Variants in SYT14 observed in about 807,000 individuals in gnomAD.
SYT14 encodes the protein synaptotagmin 14.
A neutral mutation model predicts 74.2 loss-of-function variants in SYT14; 32 were observed. The observed-to-expected ratio is 0.43, with a 90% CI of 0.33 to 0.58. The LOEUF is 0.58. Among genes scored for constraint, SYT14 ranks in the 20% least tolerant of loss-of-function variants. The pLI is 0.05. For missense variants in SYT14, 791 were observed against 981.8 expected (o/e 0.81, Z 2.60); for synonymous variants, 298 against 337.7 (o/e 0.88, Z 1.29).
At chr1:209,985,727 C>G (rs1023055366) in intron 2 of SYT14, among the ~76,000 whole-genome samples, 1 of 152,252 alleles carries the variant, frequency 6.6e-6, no homozygotes, top group Non-Finnish European at 1.5e-5. Context: ...GACACTCAGG[C>G]TTTTCTAAAC....
chr1:209,953,351 T>C, intron 2 of SYT14: 1 of 781,794 alleles, frequency 1.3e-6, no homozygotes, highest in Non-Finnish European at 1.8e-6. Flanking sequence ...CAACTCCTTA[T>C]AAGTAATCAC....
chr1:210,099,745 T>C (rs1296871963), intron 6 of SYT14, among the ~76,000 whole-genome samples: 2 of 152,212 alleles, frequency 1.3e-5, no homozygotes, highest in East Asian at 1.9e-4. Context: ...TATAAAAACA[T>C]ACATCACACT....
At chr1:210,050,163 G>T (rs1049177099) in intron 5 of SYT14, among the ~76,000 whole-genome samples, 1 of 152,110 alleles carries the variant, frequency 6.6e-6, no homozygotes, top group Non-Finnish European at 1.5e-5. Context: ...ACAAAGTCAC[G>T]TCTTGAATGC....
At chr1:210,038,729 C>T (rs535282125) in intron 5 of SYT14, among the ~76,000 whole-genome samples, 21 of 152,058 alleles carry the variant, frequency 1.4e-4, no homozygotes, top group East Asian at 5.8e-4. Context: ...TTTTTAAGTC[C>T]GAAAATGGGA....
intron 7 of SYT14, among the ~76,000 whole-genome samples, chr1:210,143,882 TA>T (rs2082973521): frequency 6.6e-6 from 1 of 152,186 alleles, no homozygotes; most frequent in African/African-American, 2.4e-5. Context: ...TAACATCTGT[TA>T]ATACTGAAAA....
chr1:210,163,775 A>C (rs1235550134), exon 10 of SYT14: 2 of 453,812 alleles, frequency 4.4e-6, no homozygotes, highest in Non-Finnish European at 8.8e-6. Flanking sequence ...CACTCTACTG[A>C]ATCTAATGTA....
chr1:210,023,884 T>A (rs924410344), intron 5 of SYT14, among the ~76,000 whole-genome samples: 1 of 152,240 alleles, frequency 6.6e-6, no homozygotes, highest in African/African-American at 2.4e-5. Flanking sequence ...CAGTAGTTTT[T>A]AAGCAGGAGA....
chr1:210,100,354 A>G (rs1289894539), exon 7 of SYT14: 3 of 1,614,042 alleles, frequency 1.9e-6, no homozygotes, highest in Admixed American at 3.3e-5. Context: ...TGTACATCGC[A>G]TGAAAAAAGA....
At chr1:210,051,749 C>T (rs1483572975) in intron 5 of SYT14, among the ~76,000 whole-genome samples, 3 of 150,538 alleles carry the variant, frequency 2.0e-5, no homozygotes, top group African/African-American at 4.9e-5. Context: ...TTTACATCTG[C>T]AGGTTATACT....
At chr1:210,167,691 A>G (rs2102743868) in exon 10 of SYT14, 1 of 152,278 alleles carries the variant, frequency 6.6e-6, no homozygotes, top group Non-Finnish European at 1.5e-5. Context: ...TGATTTGGTG[A>G]CAGCTTGAGG....
intron 2 of SYT14, among the ~76,000 whole-genome samples, chr1:209,994,147 G>C (rs540592304): frequency 1.6e-4 from 24 of 152,174 alleles, no homozygotes; most frequent in Non-Finnish European, 2.8e-4. Flanking sequence ...TTCTTAACCA[G>C]TTTGAAATGA....
chr1:210,030,434 G>A (rs1235796095), intron 5 of SYT14, among the ~76,000 whole-genome samples: 1 of 152,156 alleles, frequency 6.6e-6, no homozygotes, highest in Admixed American at 6.6e-5. Flanking sequence ...GATTATAGGT[G>A]TGAGCTACTG....
intron 7 of SYT14, among the ~76,000 whole-genome samples, chr1:210,108,099 A>G (rs569430037): frequency 6.6e-6 from 1 of 152,334 alleles, no homozygotes; most frequent in South Asian, 2.1e-4. Context: ...CTAATGATAG[A>G]GGGTACTTAA....
intron 2 of SYT14, among the ~76,000 whole-genome samples, chr1:209,955,254 C>T (rs192924745): frequency 6.6e-6 from 1 of 152,262 alleles, no homozygotes; most frequent in African/African-American, 2.4e-5. Flanking sequence ...ATGTTTCTAT[C>T]TGGATGTCTG....
intron 7 of SYT14, among the ~76,000 whole-genome samples, chr1:210,109,307 C>T (rs972376403): frequency 3.3e-5 from 5 of 151,964 alleles, no homozygotes; most frequent in Non-Finnish European, 5.9e-5. Flanking sequence ...AGACCGGGCG[C>T]GTTGGCTCAC....
intron 5 of SYT14, among the ~76,000 whole-genome samples, chr1:210,065,083 G>A (rs2081272497): frequency 6.6e-6 from 1 of 152,146 alleles, no homozygotes; most frequent in East Asian, 1.9e-4. Flanking sequence ...TCTGAGAAAT[G>A]TATATTCAAG....
At chr1:210,122,749 C>G (rs187565940) in intron 7 of SYT14, among the ~76,000 whole-genome samples, 1 of 152,228 alleles carries the variant, frequency 6.6e-6, no homozygotes, top group East Asian at 1.9e-4. Flanking sequence ...TATGGCCAAG[C>G]CTGGGATCAA....
At chr1:210,007,043 A>G (rs931224671) in intron 2 of SYT14, among the ~76,000 whole-genome samples, 2 of 151,726 alleles carry the variant, frequency 1.3e-5, no homozygotes, top group Non-Finnish European at 2.9e-5. Flanking sequence ...TAAGACTGTA[A>G]TTTTTTCATT....
chr1:210,063,234 A>C (rs1323975175), intron 5 of SYT14, among the ~76,000 whole-genome samples: 1 of 151,278 alleles, frequency 6.6e-6, no homozygotes, highest in Non-Finnish European at 1.5e-5. Context: ...GCTAGCTTTG[A>C]TTTTTGTTGC....
Sources: allele counts gnomAD v4.1 joint callset (sites outside exome capture counted in the v4.1 genomes callset), GRCh38; gene constraint gnomAD v4.1.1; transcripts MANE v1.5; gene names NCBI Gene and HGNC (gene_info 2026-07-23, HGNC 2026-07-21).